Variants in FSTL5 observed in about 807,000 individuals in gnomAD.
FSTL5 encodes follistatin like 5, also known as follistatin-related protein 5.
FSTL5 carries 62 observed loss-of-function variants against 89.1 expected under a neutral mutation model. That is an observed-to-expected ratio of 0.70 (90% CI 0.57 to 0.86). The LOEUF (loss-of-function observed/expected upper bound fraction) is 0.86, where lower values mean the gene tolerates loss of function less well. FSTL5 is among the 40% of genes least tolerant of loss of function. FSTL5 has a pLI of 0.00. For synonymous variants in FSTL5, 383 were observed against 346.2 expected, an observed-to-expected ratio of 1.11 and a Z score of -1.18; for missense variants, 1,057 against 1,001.6, an observed-to-expected ratio of 1.06 and a Z score of -0.75.
chr4:161,467,192 A>G (rs1015686766), intron 13 of FSTL5, among the ~76,000 whole-genome samples: 1 of 152,090 alleles, frequency 6.6e-6, no homozygotes, highest in African/African-American at 2.4e-5. Context: ...TTCTATATCC[A>G]TACTATGTAT....
At chr4:161,725,551 C>T (rs1739366978) in intron 6 of FSTL5, among the ~76,000 whole-genome samples, 1 of 151,346 alleles carries the variant, frequency 6.6e-6, no homozygotes, top group Admixed American at 6.6e-5. Context: ...TTAACATAAA[C>T]ATACTTTTGA....
In FSTL5 at chr4:161,688,789, A is replaced by G. The variant is rs28546376; in HGVS notation, c.728-32295T>C. ...ATTATGTTTTCTAATGTTTATTGCC[A>G]GAATCAAGACTACTACTGCTTGTTT... On this transcript the variant is annotated intron_variant, in intron 6 of 15. Coordinates refer to ENST00000306100, the MANE Select transcript of FSTL5 (RefSeq NM_020116.5). Among the ~76,000 whole-genome samples the G allele has an allele frequency of 7.9e-3, 1,201 of 152,294 alleles. 15 individuals carry two copies. The highest frequency in any genetic ancestry group is 0.027 in the African/African-American group (1,113 of 41,568).
At chr4:161,559,107 C>T (rs56206857) in intron 8 of FSTL5, among the ~76,000 whole-genome samples, 141 of 151,996 alleles carry the variant, frequency 9.3e-4, no homozygotes, top group Non-Finnish European at 1.6e-3. Flanking sequence ...CTCCGTTTCT[C>T]AGATTAATAT....
chr4:161,864,604 G>A (rs1732017822), intron 4 of FSTL5, among the ~76,000 whole-genome samples: 1 of 152,102 alleles, frequency 6.6e-6, no homozygotes, highest in African/African-American at 2.4e-5. Context: ...AGGTGTGGTG[G>A]CTCATGCCTA....
intron 6 of FSTL5, among the ~76,000 whole-genome samples, chr4:161,750,787 A>G (rs895566223): frequency 6.6e-6 from 1 of 152,210 alleles, no homozygotes; most frequent in African/African-American, 2.4e-5. Context: ...ATCCTACCTA[A>G]GATTACTATA....
At chr4:161,517,640 G>T (rs550632093) in intron 10 of FSTL5, among the ~76,000 whole-genome samples, 1 of 152,200 alleles carries the variant, frequency 6.6e-6, no homozygotes, top group Admixed American at 6.5e-5. Context: ...ACAGCAATAA[G>T]GTAGTTACCT....
At chr4:161,912,682 G>A (rs1039842660) in intron 4 of FSTL5, among the ~76,000 whole-genome samples, 3 of 152,156 alleles carry the variant, frequency 2.0e-5, no homozygotes, top group Admixed American at 2.0e-4. Context: ...CAGTAGAGTA[G>A]TGCATGGCTG....
chr4:161,499,481 G>A (rs1032158889), intron 12 of FSTL5, among the ~76,000 whole-genome samples: 7 of 151,946 alleles, frequency 4.6e-5, no homozygotes, highest in Admixed American at 3.9e-4. Flanking sequence ...ATTAGTATAT[G>A]ACAGCAACAC....
At chr4:161,705,957 T>C (rs1405009343) in intron 6 of FSTL5, among the ~76,000 whole-genome samples, 3 of 31,114 alleles carry the variant, frequency 9.6e-5, no homozygotes, top group African/African-American at 4.3e-4. Flanking sequence ...TGTGTGTATA[T>C]ATATATATAT....
intron 4 of FSTL5, among the ~76,000 whole-genome samples, chr4:161,778,642 T>G (rs1741509244): frequency 6.6e-6 from 1 of 152,208 alleles, no homozygotes; most frequent in South Asian, 2.1e-4. Flanking sequence ...CACAACAAAA[T>G]GTAAACTTTG....
intron 4 of FSTL5, among the ~76,000 whole-genome samples, chr4:161,842,445 T>C (rs544616201): frequency 2.6e-5 from 4 of 152,300 alleles, no homozygotes; most frequent in African/African-American, 4.8e-5. Context: ...TCTCTTTATA[T>C]GTGATAAATA....
chr4:161,572,476 G>A (rs1317950355), intron 8 of FSTL5, among the ~76,000 whole-genome samples: 1 of 152,018 alleles, frequency 6.6e-6, no homozygotes, highest in Non-Finnish European at 1.5e-5. Flanking sequence ...ATGTTCTGGT[G>A]TCTTCCAAAC....
intron 3 of FSTL5, among the ~76,000 whole-genome samples, chr4:161,940,687 T>C (rs1212133150): frequency 1.3e-5 from 2 of 151,686 alleles, no homozygotes; most frequent in African/African-American, 4.8e-5. Context: ...GAAAATGAAA[T>C]TGGAAAGGAA....
At chr4:161,694,658 T>C (rs541582535) in intron 6 of FSTL5, among the ~76,000 whole-genome samples, 2 of 152,150 alleles carry the variant, frequency 1.3e-5, no homozygotes, top group South Asian at 2.1e-4. Context: ...GTTATTTTTT[T>C]CCCCATGAAT....
At chr4:161,708,422 C>T (rs527244144) in intron 6 of FSTL5, among the ~76,000 whole-genome samples, 65 of 152,014 alleles carry the variant, frequency 4.3e-4, no homozygotes, top group African/African-American at 1.5e-3. Context: ...TAATCAAATA[C>T]TTTAATAAAT....
intron 1 of FSTL5, among the ~76,000 whole-genome samples, chr4:162,124,297 TA>T (rs1731984426): frequency 6.6e-6 from 1 of 152,148 alleles, no homozygotes; most frequent in Non-Finnish European, 1.5e-5. Context: ...AGGGTAGGTG[TA>T]AAAAATTTAG....
intron 3 of FSTL5, among the ~76,000 whole-genome samples, chr4:161,956,078 T>C (rs1329350752): frequency 1.3e-5 from 2 of 151,862 alleles, no homozygotes; most frequent in Admixed American, 6.6e-5. Context: ...GTTGTACCAG[T>C]TACCCAATTT....
chr4:161,786,043 T>C (rs533812249), intron 4 of FSTL5, among the ~76,000 whole-genome samples: 2 of 152,226 alleles, frequency 1.3e-5, no homozygotes, highest in African/African-American at 4.8e-5. Flanking sequence ...ACATTCTCTT[T>C]GACCAAACAA....
intron 6 of FSTL5, among the ~76,000 whole-genome samples, chr4:161,730,464 A>T: frequency 6.6e-6 from 1 of 152,024 alleles, no homozygotes; most frequent in East Asian, 1.9e-4. Flanking sequence ...TTTATTTAAA[A>T]TTATTTTTAA....
Sources: gnomAD v4.1 joint callset for allele counts (sites outside exome capture counted in the v4.1 genomes callset) on GRCh38, gnomAD v4.1.1 for gene constraint, MANE v1.5 for transcripts, NCBI Gene and HGNC (gene_info 2026-07-23, HGNC 2026-07-21) for gene names.